The following MAST4 variants were observed in gnomAD, a reference collection of about 807,000 sequenced individuals.
The protein encoded by MAST4 is microtubule-associated serine/threonine-protein kinase 4.
MAST4 carries 89 observed loss-of-function variants against 162.7 expected under a neutral mutation model. The ratio of observed to expected loss-of-function variants is 0.55; its 90% confidence interval spans 0.46 to 0.65. The LOEUF is 0.65. MAST4 is among the 30% of genes least tolerant of loss of function. MAST4 has a pLI of 0.00. For missense variants in MAST4, 3,153 were observed against 3,374.0 expected (o/e 0.93, Z 1.62); for synonymous variants, 1,479 against 1,361.1 (o/e 1.09, Z -1.91).
intron 3 of MAST4, among the ~76,000 whole-genome samples, chr5:66,840,652 G>A (rs1203725957): frequency 6.6e-6 from 1 of 152,180 alleles, no homozygotes; most frequent in Non-Finnish European, 1.5e-5. Context: ...ATTAGTGGAT[G>A]TATCATGAGC....
intron 3 of MAST4, among the ~76,000 whole-genome samples, chr5:66,829,539 A>G (rs1757458535): frequency 1.3e-5 from 2 of 152,244 alleles, no homozygotes; most frequent in Admixed American, 1.3e-4. Context: ...CAACAACAAC[A>G]AAACATCTGC....
chr5:66,787,039 T>G (rs1755152148), intron 2 of MAST4, among the ~76,000 whole-genome samples: 1 of 152,254 alleles, frequency 6.6e-6, no homozygotes, highest in East Asian at 1.9e-4. Flanking sequence ...TCTGGTGTGA[T>G]GATAGGTAAT....
chr5:67,107,901 C>A (rs565709668), intron 10 of MAST4, among the ~76,000 whole-genome samples: 2 of 152,298 alleles, frequency 1.3e-5, no homozygotes, highest in African/African-American at 4.8e-5. Context: ...TAGTGGCCAA[C>A]CCTTAAAATA....
At chr5:66,702,737 A>G (rs1014103918) in intron 1 of MAST4, among the ~76,000 whole-genome samples, 3 of 152,138 alleles carry the variant, frequency 2.0e-5, no homozygotes, top group Non-Finnish European at 2.9e-5. Flanking sequence ...GAAATCAGAA[A>G]GTTACCAGAG....
rs371878083 is a variant in MAST4 at position 66,759,874 on chromosome 5, C to A, written c.517+12C>A. Reference sequence around the variant, plus strand: ...AGGAGCCCTGACTGGTGAGTCGCAGCGGCTTGGATGAGAGAAGGAATTGCA... The same window carrying A: ...AGGAGCCCTGACTGGTGAGTCGCAGAGGCTTGGATGAGAGAAGGAATTGCA... On this transcript the variant is annotated intron_variant, in intron 2 of 28. Coordinates refer to ENST00000403625, the MANE Select transcript of MAST4 (RefSeq NM_001164664.2). The A allele has an allele frequency of 6.2e-7, 1 of 1,613,302 alleles. No individual in the cohort carries two copies. The highest frequency in any genetic ancestry group is 1.1e-5 in the South Asian group (1 of 90,994).
chr5:66,733,747 C>T (rs1294637143), intron 1 of MAST4, among the ~76,000 whole-genome samples: 2 of 144,164 alleles, frequency 1.4e-5, no homozygotes, highest in Non-Finnish European at 3.0e-5. Context: ...GCATGAGCCA[C>T]TGCGCCCAGC....
At chr5:66,879,462 A>C (rs1031137111) in intron 3 of MAST4, among the ~76,000 whole-genome samples, 14 of 152,126 alleles carry the variant, frequency 9.2e-5, no homozygotes, top group Non-Finnish European at 1.9e-4. Flanking sequence ...TCTAAAACTA[A>C]AAGTATTTTG....
At chr5:67,114,319 CTCTA>C in intron 12 of MAST4, 100 bp downstream of exon 12, 4 of 1,408,992 alleles carry the variant, frequency 2.8e-6, no homozygotes, top group Non-Finnish European at 3.8e-6. Context: ...CATGTTTTGG[CTCTA>C]TCTATTGATA....
At chr5:66,919,952 CCTTCCTTCCTTCCTTCCTTCCT>C (rs1764408406) in intron 4 of MAST4, among the ~76,000 whole-genome samples, 1 of 118,278 alleles carries the variant, frequency 8.5e-6, no homozygotes, top group African/African-American at 3.3e-5. Flanking sequence ...TTCCTTCCTT[CCTTCCTTCCTTCCTTCCTTCCT>C]TCTTTCTCTC....
At chr5:66,915,266 CAAAAAAAA>C (rs70987147) in intron 4 of MAST4, among the ~76,000 whole-genome samples, 1,179 of 83,630 alleles carry the variant, frequency 0.014, 20 homozygotes, top group African/African-American at 0.048. Flanking sequence ...ACTCTTGTCT[CAAAAAAAA>C]AAAAAAAAAA....
At chr5:66,949,178 G>A (rs145684868) in intron 4 of MAST4, among the ~76,000 whole-genome samples, 1 of 152,288 alleles carries the variant, frequency 6.6e-6, no homozygotes, top group African/African-American at 2.4e-5. Flanking sequence ...GCTTACTACA[G>A]TAGAAAGAAT....
intron 2 of MAST4, among the ~76,000 whole-genome samples, chr5:66,777,331 A>C (rs1754649888): frequency 6.6e-6 from 1 of 152,168 alleles, no homozygotes; most frequent in Non-Finnish European, 1.5e-5. Context: ...AGAGTGGATA[A>C]AAAGTAATAA....
intron 1 of MAST4, among the ~76,000 whole-genome samples, chr5:66,668,349 T>G (rs1025702983): frequency 5.9e-5 from 9 of 152,242 alleles, no homozygotes; most frequent in African/African-American, 2.2e-4. Flanking sequence ...ACTTTTAGTC[T>G]CCTTGCTTGT....
rs772084306 is a variant in MAST4, at chr5:67,163,412, A to C, written c.4233A>C (p.Gln1411His). Residue 1411 changes from glutamine to histidine, a missense_variant, in exon 29 of 29, where the codon CAA becomes CAC. Physicochemically the swap from Gln to His is conservative, Grantham distance 24 (BLOSUM62 0). Coordinates refer to ENST00000403625, the MANE Select transcript of MAST4 (RefSeq NM_001164664.2). The surrounding 1 kb of genome is among the most constrained non-coding windows in gnomAD (Gnocchi z 7.0). ...GHSLGNSKIA[Q>H]AFPSKMHSPP... Reference sequence around the variant, plus strand: ...CACTGGGCAATTCCAAGATCGCGCAAGCCTTTCCCAGCAAGATGCACTCCC... The same window carrying C: ...CACTGGGCAATTCCAAGATCGCGCACGCCTTTCCCAGCAAGATGCACTCCC... The C allele has an allele frequency of 1.9e-6, 3 of 1,612,900 alleles. No homozygotes were observed. Among genetic ancestry groups the C allele is most frequent in the Non-Finnish European group, 2.5e-6 (3 of 1,179,876 alleles).
intron 1 of MAST4, among the ~76,000 whole-genome samples, chr5:66,603,232 AC>A (rs1171949451): frequency 6.6e-6 from 1 of 152,208 alleles, no homozygotes; most frequent in African/African-American, 2.4e-5. Flanking sequence ...ATTATGAGGT[AC>A]TAACAGCAAA....
intron 1 of MAST4, among the ~76,000 whole-genome samples, chr5:66,687,701 C>T (rs1748782605): frequency 6.6e-6 from 1 of 151,788 alleles, no homozygotes. Flanking sequence ...TTTCATTATC[C>T]AGTCAACTGT....
intron 3 of MAST4, among the ~76,000 whole-genome samples, chr5:66,837,888 ATATATATTTTTTTTTTT>A (rs1758115207): frequency 2.9e-5 from 1 of 34,948 alleles, no homozygotes; most frequent in African/African-American, 1.5e-4. Flanking sequence ...ATATATATAT[ATATATATTTTTTTTTTT>A]TTTTTTTTTT....
chr5:67,051,793 C>T (rs1427067743), intron 4 of MAST4, among the ~76,000 whole-genome samples: 1 of 152,128 alleles, frequency 6.6e-6, no homozygotes, highest in East Asian at 1.9e-4. Flanking sequence ...AAGGCGAAGA[C>T]CCCATTTCAT....
chr5:66,756,898 C>T (rs1753573422), intron 1 of MAST4, among the ~76,000 whole-genome samples: 1 of 152,160 alleles, frequency 6.6e-6, no homozygotes, highest in Non-Finnish European at 1.5e-5. Context: ...CCTCACAGTT[C>T]ACTGCCTCAG....
Sources: allele counts gnomAD v4.1 joint callset (sites outside exome capture counted in the v4.1 genomes callset), GRCh38; gene constraint gnomAD v4.1.1; non-coding constraint Gnocchi (gnomAD v3.1); transcripts MANE v1.5; gene names NCBI Gene and HGNC (gene_info 2026-07-23, HGNC 2026-07-21).